PEX16: variants seen among roughly 807,000 people sequenced by gnomAD.
PEX16 encodes peroxisomal biogenesis factor 16, also known as peroxin 16.
A neutral mutation model predicts 50.5 loss-of-function variants in PEX16; 37 were observed. That is an observed-to-expected ratio of 0.73 (90% CI 0.56 to 0.96). The LOEUF is 0.96. Ranked by LOEUF, PEX16 falls within the 40% of genes least tolerant of loss-of-function variation. PEX16 has a pLI of 0.00. For missense variants in PEX16, 401 were observed against 438.3 expected, an observed-to-expected ratio of 0.91 and a Z score of 0.76; for synonymous variants, 185 against 190.3, an observed-to-expected ratio of 0.97 and a Z score of 0.23.
chr11:45,915,434 C>G (rs1164006432), intron 5 of PEX16, 34 bp downstream of exon 5: 3 of 1,537,990 alleles, frequency 2.0e-6, no homozygotes, highest in Admixed American at 1.7e-5. Context: ...GTCCCATGGC[C>G]CATTCCGCTC....
intron 5 of PEX16, among the ~76,000 whole-genome samples, chr11:45,914,943 A>G (rs2086818884): frequency 6.6e-6 from 1 of 152,202 alleles, no homozygotes; most frequent in African/African-American, 2.4e-5. Context: ...CCCGGAACCC[A>G]TGGACAGGCA....
upstream of PEX16, chr11:45,918,410 G>A (rs2086863474): frequency 5.7e-6 from 1 of 176,870 alleles, no homozygotes; most frequent in Non-Finnish European, 1.2e-5. Flanking sequence ...AACAAAGGTA[G>A]TGCTGGGGAA....
Position 45,910,044 on chromosome 11 carries a change from G to A in PEX16, c.*210C>T. 1 of 1,541,906 alleles carries A rather than the reference G, an allele frequency of 6.5e-7. No individual in the cohort carries two copies. Among genetic ancestry groups the A allele is most frequent in the East Asian group, 2.2e-5 (1 of 44,552 alleles). On this transcript the variant is annotated 3_prime_UTR_variant, in exon 11 of 11. Coordinates refer to ENST00000378750, the MANE Select transcript of PEX16 (RefSeq NM_004813.4). ...CTAGTGAAGGCTTCTTGGCCCAGCA[G>A]TGACAAGGTGCGGGCTGCAGTGGCA...
intron 9 of PEX16, among the ~76,000 whole-genome samples, chr11:45,912,727 C>G (rs1013454358): frequency 6.6e-6 from 1 of 152,034 alleles, no homozygotes; most frequent in Non-Finnish European, 1.5e-5. Flanking sequence ...TGGTCTCTAC[C>G]TCCCGACCTT....
Position 45,910,209 on chromosome 11 carries a change from G to T in PEX16, c.*45C>A, listed in dbSNP as rs1191410716. On this transcript the variant is annotated 3_prime_UTR_variant, in exon 11 of 11. Transcript: ENST00000378750. ...GAGTCAGTTTTATTAGGGAAGAGGG[G>T]CTCCCTGCCCCACCCCTCCCCACAC... 1 of 1,612,944 alleles carries T rather than the reference G, an allele frequency of 6.2e-7. No individual in the cohort carries two copies. The highest frequency in any genetic ancestry group is 1.7e-5 in the Admixed American group (1 of 60,030).
chr11:45,912,904 G>A (rs1489972439), intron 9 of PEX16, among the ~76,000 whole-genome samples: 3 of 151,752 alleles, frequency 2.0e-5, no homozygotes, highest in African/African-American at 7.3e-5. Flanking sequence ...ATAACTCACT[G>A]CAGCCTCAGC....
chr11:45,912,075 A>T (rs1001097040), intron 9 of PEX16: 2 of 148,482 alleles, frequency 1.3e-5, no homozygotes, highest in African/African-American at 5.0e-5. Flanking sequence ...CAGTGGCTCC[A>T]CCTATAATCC....
chr11:45,910,410 A>G, intron 10 of PEX16, 98 bp from the exon 11 acceptor site: 11 of 1,014,268 alleles, frequency 1.1e-5, no homozygotes, highest in Non-Finnish European at 1.7e-5. Flanking sequence ...GAGCCAGCCC[A>G]GCTGGCTGTC....
In PEX16 at chr11:45,914,383, G is replaced by T; in HGVS notation, c.627C>A (p.Thr209=). 6.2e-7 allele frequency: 1 copy of T among 1,610,466 alleles called. No individual in the cohort carries two copies. The highest frequency in any genetic ancestry group is 2.2e-5 in the East Asian group (1 of 44,874). Residue 209 remains threonine, a synonymous_variant, in exon 7 of 11, where the codon ACC becomes ACA. Coordinates refer to ENST00000378750, the MANE Select transcript of PEX16 (RefSeq NM_004813.4). The part of the protein sequence containing the change: ...QQQHHEELSA[T]PTPLGLQETI... ...TCTCCTGCAGCCCCAGGGGGGTGGG[G>T]GTCGCACTCAGCTCCTCGTGATGCT...
Position 45,910,930 on chromosome 11 carries a change from G to A in PEX16, c.920C>T (p.Ala307Val). Residue 307 changes from alanine to valine, a missense_variant, in exon 10 of 11, where the codon GCC becomes GTC. By Grantham distance (64) the Ala-to-Val change is moderately conservative. Transcript: ENST00000378750. ...CAGGCCAACGCCAGGGACGTGGTCG[G>A]CCAGCAACTGGAGCAGGAAGAGGAT... ...ARILFLLQLL[A>V]DHVPGVGLVT... The A allele has an allele frequency of 6.2e-7, 1 of 1,613,566 alleles. No homozygotes were observed. Among genetic ancestry groups the A allele is most frequent in the Non-Finnish European group, 8.5e-7 (1 of 1,179,998 alleles).
At chr11:45,918,197 A>G (rs1054050855), upstream of PEX16, 4 of 336,282 alleles carry the variant, frequency 1.2e-5, no homozygotes, top group Non-Finnish European at 2.3e-5. Flanking sequence ...TTCATTCTAG[A>G]GAAGGGAGCT....
Position 45,917,682 on chromosome 11 carries a change from C to G in PEX16, c.112+18G>C, listed in dbSNP as rs2086852660. ...AGGTCAGGGCCCAGAAGGAACTGAT[C>G]AAAGGTCAGGGTGGCACCTGCCAGC... On this transcript the variant is annotated intron_variant, in intron 1 of 10. Transcript: ENST00000378750. 6.5e-7 allele frequency: 1 copy of G among 1,545,938 alleles called. No homozygotes were observed. Among genetic ancestry groups the G allele is most frequent in the Non-Finnish European group, 8.8e-7 (1 of 1,141,186 alleles).
intron 5 of PEX16, among the ~76,000 whole-genome samples, chr11:45,914,936 G>A (rs1442069888): frequency 7.2e-5 from 11 of 152,186 alleles, no homozygotes; most frequent in East Asian, 1.9e-4. Flanking sequence ...CCAGCCTCCC[G>A]GAACCCATGG....
intron 10 of PEX16, 56 bp from the exon 11 acceptor site, chr11:45,910,368 G>T: frequency 7.2e-7 from 1 of 1,392,070 alleles, no homozygotes; most frequent in Non-Finnish European, 1.0e-6. Flanking sequence ...GCACTGTGGC[G>T]CCACATACAG....
intron 5 of PEX16, 137 bp from the exon 6 acceptor site, chr11:45,914,821 G>A: frequency 1.3e-6 from 1 of 787,400 alleles, no homozygotes; most frequent in East Asian, 2.5e-5. Flanking sequence ...CTGAGTCAAG[G>A]GAACTACAAG....
Position 45,914,677 on chromosome 11 carries a change from G to A in PEX16, c.468C>T (p.Asp156=), listed in dbSNP as rs2086815219. Residue 156 remains aspartate, a synonymous_variant, in exon 6 of 11, where the codon GAC becomes GAT. Coordinates refer to ENST00000378750, the MANE Select transcript of PEX16 (RefSeq NM_004813.4). ...RETQAQPPDG[D]HSPGNHEQSY... ...ACTGCTCATGGTTGCCAGGGCTGTGGTCACCATCTAGCAGGGATAGACAGA... is the reference window on the plus strand; with the variant it reads ...ACTGCTCATGGTTGCCAGGGCTGTGATCACCATCTAGCAGGGATAGACAGA... 1.2e-6 allele frequency: 2 copies of A among 1,614,006 alleles called. No individual in the cohort carries two copies. Among genetic ancestry groups the A allele is most frequent in the Non-Finnish European group, 1.7e-6 (2 of 1,179,914 alleles).
At chr11:45,916,930 A>G (rs558818024) in intron 2 of PEX16, 1 of 440,938 alleles carries the variant, frequency 2.3e-6, no homozygotes, top group South Asian at 1.6e-5. Context: ...TCTGCCTCCC[A>G]AAGTGCTGGG....
chr11:45,914,468 G>T lies in PEX16; in HGVS notation c.542C>A (p.Thr181Lys). Reference protein sequence around the residue: ...SNRVVRTLQNTPSLHSRHWGA... With the variant: ...SNRVVRTLQNKPSLHSRHWGA... ...CCAGTGCCTGGAGTGCAGGGACGGCGCTAGAACACAAGGGCGGCAGATGAG... is the reference window on the plus strand; with the variant it reads ...CCAGTGCCTGGAGTGCAGGGACGGCTCTAGAACACAAGGGCGGCAGATGAG... The change falls in exon 7 of 11, where the codon ACG becomes AAG. Residue 181 changes from threonine to lysine, a missense_variant and splice_region_variant. By Grantham distance (78) the Thr-to-Lys change is moderately conservative. Transcript: ENST00000378750. 1 of 1,607,830 alleles carries T rather than the reference G, an allele frequency of 6.2e-7. No individual in the cohort carries two copies.
intron 3 of PEX16, 143 bp downstream of exon 3, chr11:45,916,084 C>T (rs1590797015): frequency 2.5e-6 from 2 of 798,962 alleles, no homozygotes; most frequent in Non-Finnish European, 4.5e-6. Context: ...CTTTACAGGT[C>T]ACCTAATGAG....
Sources: gnomAD v4.1 joint callset for allele counts (sites outside exome capture counted in the v4.1 genomes callset) on GRCh38, gnomAD v4.1.1 for gene constraint, MANE v1.5 for transcripts, NCBI Gene and HGNC (gene_info 2026-07-23, HGNC 2026-07-21) for gene names.